Variants in CNBD1 observed in about 807,000 individuals in gnomAD.
CNBD1 encodes cyclic nucleotide binding domain containing 1.
In CNBD1, 71 loss-of-function variants were observed where a neutral mutation model predicts 54.4. That is an observed-to-expected ratio of 1.30 (90% confidence interval 1.08 to 1.59). The LOEUF is 1.59. Among genes scored for constraint, CNBD1 ranks in the 40% most tolerant of loss-of-function variants. The probability of loss-of-function intolerance (pLI) is 0.00; values close to 1 mark genes in which losing one functional copy is unlikely to be tolerated. For missense variants in CNBD1, 659 were observed against 518.0 expected (o/e 1.27, Z -2.64); for synonymous variants, 182 against 170.7 (o/e 1.07, Z -0.51).
rs1221339263 is a variant in CNBD1, at chr8:87,347,534, A to G, written c.1043-4151A>G. ...AGCAATAAACAAATCAATAACTTAG[A>G]TGGCAACACACACCTTGGGGATAGC... On this transcript the variant is annotated intron_variant, in intron 8 of 10. Transcript: ENST00000518476. Among the ~76,000 whole-genome samples the G allele has an allele frequency of 4.6e-5, 7 of 152,284 alleles. No homozygotes were observed. The East Asian group carries it at 1.4e-3, about 29-fold the overall frequency.
intron 4 of CNBD1, among the ~76,000 whole-genome samples, chr8:87,005,906 T>G (rs1426534662): frequency 6.6e-6 from 1 of 152,132 alleles, no homozygotes; most frequent in Non-Finnish European, 1.5e-5. Flanking sequence ...CTCCCAGGTG[T>G]TTGAAAAATA....
chr8:87,364,626 G>A (rs1416149445), intron 10 of CNBD1, among the ~76,000 whole-genome samples: 2 of 151,462 alleles, frequency 1.3e-5, no homozygotes, highest in Non-Finnish European at 2.9e-5. Flanking sequence ...TATTTTTCTT[G>A]ATCCTCTCTC....
At chr8:87,092,619 A>AT (rs1346248841) in intron 4 of CNBD1, among the ~76,000 whole-genome samples, 2 of 149,352 alleles carry the variant, frequency 1.3e-5, no homozygotes, top group Non-Finnish European at 3.0e-5. Context: ...TTTGCTGTTC[A>AT]TTTTTATCTT....
rs181283307 is a variant in CNBD1, at chr8:87,369,720, G to T, written c.1304-12900G>T. 2.2e-3 allele frequency among the ~76,000 whole-genome samples: 335 copies of T among 151,374 alleles called. 2 individuals are homozygous for T. Among genetic ancestry groups the T allele is most frequent in the African/African-American group, 7.7e-3 (317 of 41,280 alleles). On this transcript the variant is annotated intron_variant, in intron 10 of 10. Transcript: ENST00000518476. Reference sequence around the variant, plus strand: ...GATGATTTGTCACTTTCCTAGTGCTGCTTTCTTTTTTTTTTATTATTATAC... The same window carrying T: ...GATGATTTGTCACTTTCCTAGTGCTTCTTTCTTTTTTTTTTATTATTATAC...
chr8:87,409,759 A>T (rs903142607), intron 2 of CNBD1, among the ~76,000 whole-genome samples: 4 of 152,098 alleles, frequency 2.6e-5, no homozygotes, highest in African/African-American at 9.7e-5. Context: ...GTGGTGGCTC[A>T]TGCCTGTAAT....
chr8:87,083,366 T>C (rs1811033755), intron 4 of CNBD1, among the ~76,000 whole-genome samples: 1 of 152,044 alleles, frequency 6.6e-6, no homozygotes, highest in African/African-American at 2.4e-5. Context: ...ACAGGAAACA[T>C]TTGTCATCTA....
chr8:87,030,405 T>C (rs970469616), intron 4 of CNBD1, among the ~76,000 whole-genome samples: 11 of 152,216 alleles, frequency 7.2e-5, no homozygotes, highest in African/African-American at 1.9e-4. Context: ...TTGGTTTATC[T>C]TTATAGATTT....
chr8:87,082,707 T>C (rs1811021385), intron 4 of CNBD1, among the ~76,000 whole-genome samples: 1 of 152,128 alleles, frequency 6.6e-6, no homozygotes, highest in African/African-American at 2.4e-5. Context: ...TGTACTTTAA[T>C]TTAGGTGTTT....
chr8:86,904,241 C>T (rs1808981932), intron 2 of CNBD1, among the ~76,000 whole-genome samples: 1 of 151,936 alleles, frequency 6.6e-6, no homozygotes, highest in South Asian at 2.1e-4. Flanking sequence ...AGATGTTTGT[C>T]AGTGTTCAAT....
chr8:87,170,795 TTGATA>T (rs1563494449), intron 4 of CNBD1, among the ~76,000 whole-genome samples: 3 of 152,300 alleles, frequency 2.0e-5, no homozygotes, highest in South Asian at 4.1e-4. Context: ...CATCATTCTG[TTGATA>T]TGATATATTA....
chr8:87,259,392 T>C (rs1808089776), intron 6 of CNBD1, among the ~76,000 whole-genome samples: 2 of 152,194 alleles, frequency 1.3e-5, no homozygotes, highest in African/African-American at 4.8e-5. Context: ...GTTAAAGCAG[T>C]TTATGACCTT....
chr8:86,875,204 A>G (rs1423749268), intron 1 of CNBD1, among the ~76,000 whole-genome samples: 1 of 151,598 alleles, frequency 6.6e-6, no homozygotes, highest in Non-Finnish European at 1.5e-5. Flanking sequence ...TTCCATATTC[A>G]CTGCCATCCA....
At chr8:87,217,612 TG>T (rs1795584303) in intron 5 of CNBD1, among the ~76,000 whole-genome samples, 1 of 151,340 alleles carries the variant, frequency 6.6e-6, no homozygotes, top group Admixed American at 6.6e-5. Flanking sequence ...GACTGTTAAA[TG>T]TTAATGTCTG....
At chr8:86,893,115 G>C (rs961165901) in intron 2 of CNBD1, among the ~76,000 whole-genome samples, 14 of 152,170 alleles carry the variant, frequency 9.2e-5, no homozygotes, top group Non-Finnish European at 1.6e-4. Flanking sequence ...TCTCAATCCA[G>C]AACAGCCCTG....
In CNBD1 at chr8:87,163,737, A is replaced by G. The variant is rs1430254657; in HGVS notation, c.432-42256A>G. ...GGCGTCTTTAGGGTTTTTTTTAAAT[A>G]TAAGATTATGTCATCTGCAAAAAGA... On this transcript the variant is annotated intron_variant, in intron 4 of 10. Coordinates refer to ENST00000518476, the MANE Select transcript of CNBD1 (RefSeq NM_173538.3). This position sits in a 1 kb window ranked among gnomAD's most constrained non-coding sequence, Gnocchi z 4.5. Among the ~76,000 whole-genome samples the G allele has an allele frequency of 2.6e-5, 4 of 151,790 alleles. No homozygotes were observed. Among genetic ancestry groups the G allele is most frequent in the Non-Finnish European group, 5.9e-5 (4 of 67,890 alleles).
At chr8:86,995,342 C>A (rs1253140812) in intron 4 of CNBD1, among the ~76,000 whole-genome samples, 1 of 152,206 alleles carries the variant, frequency 6.6e-6, no homozygotes, top group Non-Finnish European at 1.5e-5. Flanking sequence ...CTACTCGATT[C>A]TGCATTATAC....
At chr8:86,956,110 T>C (rs1335927431) in intron 4 of CNBD1, among the ~76,000 whole-genome samples, 5 of 152,104 alleles carry the variant, frequency 3.3e-5, no homozygotes, top group Non-Finnish European at 7.4e-5. Flanking sequence ...TTGCTTGTTT[T>C]TCTCAGGTTC....
intron 10 of CNBD1, among the ~76,000 whole-genome samples, chr8:87,370,806 C>T (rs917234269): frequency 8.7e-5 from 13 of 149,656 alleles, no homozygotes; most frequent in African/African-American, 3.2e-4. Flanking sequence ...CTTGCCCATG[C>T]CTATGTCCTG....
chr8:87,402,566 A>G (rs1315268619), intron 2 of CNBD1, among the ~76,000 whole-genome samples: 3 of 152,096 alleles, frequency 2.0e-5, no homozygotes, highest in Non-Finnish European at 2.9e-5. Flanking sequence ...GCACAGAGGC[A>G]AAATATCAAT....
Sources: gnomAD v4.1 joint callset for allele counts (sites outside exome capture counted in the v4.1 genomes callset) on GRCh38, gnomAD v4.1.1 for gene constraint, Gnocchi (gnomAD v3.1) non-coding constraint, MANE v1.5 for transcripts, NCBI Gene and HGNC (gene_info 2026-07-23, HGNC 2026-07-21) for gene names.